CAMK4: variants seen among roughly 807,000 people sequenced by gnomAD.
CAMK4 encodes calcium/calmodulin dependent protein kinase IV.
CAMK4 carries 22 observed loss-of-function variants against 44.9 expected under a neutral mutation model. That is an observed-to-expected ratio of 0.49 (90% CI 0.35 to 0.70). The LOEUF is 0.70. CAMK4 is among the 30% of genes least tolerant of loss of function. The pLI is 0.01. For synonymous variants in CAMK4, 218 were observed against 215.4 expected, an observed-to-expected ratio of 1.01 and a Z score of -0.11; for missense variants, 498 against 586.8, an observed-to-expected ratio of 0.85 and a Z score of 1.56.
chr5:111,429,707 C>A (rs1753362547), intron 5 of CAMK4, among the ~76,000 whole-genome samples: 1 of 129,462 alleles, frequency 7.7e-6, no homozygotes, highest in African/African-American at 2.9e-5. Context: ...AACCAGGAGG[C>A]TGATTCATTG....
intron 2 of CAMK4, among the ~76,000 whole-genome samples, chr5:111,359,116 T>A (rs1750497285): frequency 6.6e-6 from 1 of 152,144 alleles, no homozygotes; most frequent in African/African-American, 2.4e-5. Context: ...CTGAGTTGAA[T>A]GGTAGTTCTG....
At chr5:111,349,393 A>G (rs150507486) in intron 2 of CAMK4, among the ~76,000 whole-genome samples, 1 of 152,174 alleles carries the variant, frequency 6.6e-6, no homozygotes, top group Non-Finnish European at 1.5e-5. Flanking sequence ...GAAGTAGAGT[A>G]GAAAGATTTT....
chr5:111,346,687 G>T (rs1749883943), intron 2 of CAMK4, among the ~76,000 whole-genome samples: 1 of 151,912 alleles, frequency 6.6e-6, no homozygotes, highest in Non-Finnish European at 1.5e-5. Context: ...TCTGAGAGAA[G>T]ATCTTTTCCA....
chr5:111,438,096 T>G (rs992643411), intron 5 of CAMK4, among the ~76,000 whole-genome samples: 26 of 152,166 alleles, frequency 1.7e-4, no homozygotes, highest in Non-Finnish European at 3.4e-4. Flanking sequence ...GGAGAGAAAG[T>G]CAATTTTTGA....
chr5:111,480,680 C>T (rs1755405292), intron 9 of CAMK4, among the ~76,000 whole-genome samples: 1 of 152,036 alleles, frequency 6.6e-6, no homozygotes, highest in Non-Finnish European at 1.5e-5. Flanking sequence ...TCTAACCTTG[C>T]TATGCTTTAG....
At chr5:111,388,410 C>T (rs915784713) in intron 4 of CAMK4, among the ~76,000 whole-genome samples, 7 of 152,208 alleles carry the variant, frequency 4.6e-5, no homozygotes, top group African/African-American at 1.4e-4. Context: ...CAGCAAGTAC[C>T]TGGCTCACAT....
chr5:111,383,547 G>A (rs1159450912), intron 4 of CAMK4, among the ~76,000 whole-genome samples: 1 of 152,012 alleles, frequency 6.6e-6, no homozygotes, highest in African/African-American at 2.4e-5. Context: ...TGCCCTTTGA[G>A]TTCCATGGAG....
At chr5:111,437,872 A>G (rs1753700917) in intron 5 of CAMK4, among the ~76,000 whole-genome samples, 2 of 152,132 alleles carry the variant, frequency 1.3e-5, no homozygotes, top group African/African-American at 4.8e-5. Flanking sequence ...AAAACCATTG[A>G]AGACTTTCAC....
At chr5:111,456,913 A>G (rs1296586089) in intron 7 of CAMK4, among the ~76,000 whole-genome samples, 2 of 152,236 alleles carry the variant, frequency 1.3e-5, no homozygotes, top group African/African-American at 4.8e-5. Context: ...TGACTACAGG[A>G]AGACAAAGTC....
At chr5:111,426,648 C>T (rs1243978353) in intron 5 of CAMK4, among the ~76,000 whole-genome samples, 1 of 152,108 alleles carries the variant, frequency 6.6e-6, no homozygotes, top group East Asian at 1.9e-4. Flanking sequence ...CCCTCCCCCA[C>T]CCCCAATGGT....
At chr5:111,244,786 G>A (rs993287227) in intron 1 of CAMK4, among the ~76,000 whole-genome samples, 3 of 152,142 alleles carry the variant, frequency 2.0e-5, no homozygotes, top group Admixed American at 6.5e-5. Context: ...GCTTGAACCC[G>A]GGAAGTGGAG....
chr5:111,442,295 A>T (rs1753852620), intron 5 of CAMK4, among the ~76,000 whole-genome samples: 2 of 152,104 alleles, frequency 1.3e-5, no homozygotes, highest in African/African-American at 2.4e-5. Context: ...GGGGTTAGAG[A>T]CCAAGCTGGC....
chr5:111,382,397 A>G lies in CAMK4; in HGVS notation c.386+5455A>G, dbSNP rs74759074. Among the ~76,000 whole-genome samples the G allele has an allele frequency of 8.3e-4, 127 of 152,256 alleles. 1 individual carries two copies. The highest frequency in any genetic ancestry group is 2.5e-3 in the East Asian group (13 of 5,174). ...GTCCCAGTCTTTCTGGAGTTGTAGT[A>G]TGGTTGGTATTAGGATTTAACAAAC... is the stretch of plus-strand genomic sequence containing the variant. On this transcript the variant is annotated intron_variant, in intron 4 of 10. Transcript: ENST00000282356.
rs140510935 is a variant in CAMK4, at chr5:111,412,668, G to A, written c.459+17886G>A. 3.7e-4 allele frequency among the ~76,000 whole-genome samples: 56 copies of A among 152,272 alleles called. No individual in the cohort carries two copies. The East Asian group carries it at 8.5e-3, about 23-fold the overall frequency. The stretch of plus-strand genomic sequence containing the variant: ...AATATATAAGTAAGGTAGAAGGTGG[G>A]ACTCAACTCTGGAGGCAGGGCTCGA... On this transcript the variant is annotated intron_variant, in intron 5 of 10. Coordinates refer to ENST00000282356, the MANE Select transcript of CAMK4 (RefSeq NM_001744.6).
intron 5 of CAMK4, among the ~76,000 whole-genome samples, chr5:111,410,641 T>G (rs1345470952): frequency 6.6e-6 from 1 of 152,192 alleles, no homozygotes; most frequent in Admixed American, 6.5e-5. Context: ...TAAAGTTCTG[T>G]TTTGTATTAT....
At chr5:111,425,843 C>T (rs533500685) in intron 5 of CAMK4, among the ~76,000 whole-genome samples, 1 of 152,044 alleles carries the variant, frequency 6.6e-6, no homozygotes, top group African/African-American at 2.4e-5. Context: ...ACCATATCAC[C>T]TCAGGAATTT....
intron 1 of CAMK4, among the ~76,000 whole-genome samples, chr5:111,229,387 C>T (rs1421565361): frequency 2.6e-5 from 4 of 152,136 alleles, no homozygotes; most frequent in Admixed American, 1.3e-4. Context: ...TGCACTGATC[C>T]CACGATGAGG....
rs551722048 is a variant in CAMK4 at position 111,330,218 on chromosome 5, TA to T, written c.162-13802del. 1.4e-4 allele frequency among the ~76,000 whole-genome samples: 21 copies of T among 151,204 alleles called. No homozygotes were observed. In the East Asian group the frequency reaches 3.7e-3, roughly 27 times the overall value. ...TATATATATTAGAAGCAAACACCCA[TA>T]AAAGAAAATTCTACAATATTATTAT... On this transcript the variant is annotated intron_variant, in intron 1 of 10. Transcript: ENST00000282356.
Position 111,412,911 on chromosome 5 carries a change from A to AATTACATATAAAATAAAAATTATTTATAT in CAMK4, c.459+18129_459+18130insATTACATATAAAATAAAAATTATTTATAT, listed in dbSNP as rs1752680023. Among the ~76,000 whole-genome samples the AATTACATATAAAATAAAAATTATTTATAT allele has an allele frequency of 2.0e-5, 3 of 152,330 alleles. No homozygotes were observed. In the South Asian group the frequency reaches 6.2e-4, roughly 32 times the overall value. ...AACCCTTAATTTATATGTAATTAAA[A>AATTACATATAAAATAAAAATTATTTATAT]GTGGGTAAAAGTATGACTGCAGAAT... On this transcript the variant is annotated intron_variant, in intron 5 of 10. Transcript: ENST00000282356.
Sources: allele counts gnomAD v4.1 joint callset (sites outside exome capture counted in the v4.1 genomes callset), GRCh38; gene constraint gnomAD v4.1.1; transcripts MANE v1.5; gene names NCBI Gene and HGNC (gene_info 2026-07-23, HGNC 2026-07-21).